The following ACTR3B variants were observed in gnomAD, a reference collection of about 807,000 sequenced individuals.
ACTR3B encodes actin-related protein 3B.
ACTR3B carries 8 observed loss-of-function variants against 59.0 expected under a neutral mutation model. That is an observed-to-expected ratio of 0.14 (90% CI 0.08 to 0.24). The LOEUF (loss-of-function observed/expected upper bound fraction) is 0.24, where lower values mean the gene tolerates loss of function less well. Among genes scored for constraint, ACTR3B ranks in the 10% least tolerant of loss-of-function variants. The pLI is 1.00. For missense variants in ACTR3B, 245 were observed against 552.3 expected, an observed-to-expected ratio of 0.44 and a Z score of 5.58; for synonymous variants, 148 against 197.9, an observed-to-expected ratio of 0.75 and a Z score of 2.12.
intron 8 of ACTR3B, 94 bp downstream of exon 8, chr7:152,823,609 G>GAGC: frequency 7.0e-7 from 1 of 1,422,322 alleles, no homozygotes; most frequent in Non-Finnish European, 9.6e-7. Context: ...AAGGGCCTGT[G>GAGC]AGCAGGGTGG....
intron 4 of ACTR3B, among the ~76,000 whole-genome samples, chr7:152,801,983 A>T (rs944581998): frequency 1.3e-5 from 2 of 152,122 alleles, no homozygotes; most frequent in South Asian, 4.2e-4. Context: ...GGAATTGCAC[A>T]TGCAGCCTAG....
chr7:152,851,840 A>G (rs369440952), intron 9 of ACTR3B, among the ~76,000 whole-genome samples: 1 of 151,936 alleles, frequency 6.6e-6, no homozygotes, highest in Non-Finnish European at 1.5e-5. Flanking sequence ...TTCCTGGTCT[A>G]TGTGAGGGGT....
intron 4 of ACTR3B, among the ~76,000 whole-genome samples, chr7:152,808,024 A>G (rs2098257861): frequency 6.6e-6 from 1 of 152,174 alleles, no homozygotes; most frequent in South Asian, 2.1e-4. Context: ...CCCGTTGAAC[A>G]CGAATTCTCT....
intron 9 of ACTR3B, among the ~76,000 whole-genome samples, chr7:152,844,494 A>C (rs552734827): frequency 6.6e-6 from 1 of 152,222 alleles, no homozygotes; most frequent in Non-Finnish European, 1.5e-5. Flanking sequence ...AAAAAAATCT[A>C]GGTTGTTAGG....
intron 9 of ACTR3B, among the ~76,000 whole-genome samples, chr7:152,848,538 C>T (rs1798544918): frequency 6.6e-6 from 1 of 152,188 alleles, no homozygotes; most frequent in African/African-American, 2.4e-5. Flanking sequence ...AGCACTGACC[C>T]ATCCTTGTTC....
At position 152,814,336 on chromosome 7, in the gene ACTR3B, C is replaced by G. The variant is rs1445919989; in HGVS notation, c.337-214C>G. ...TTCTAATTTGGGTGGGTAATAAGAACAGAGGCCTTCAGAGAAGTATTTACT... is the reference window on the plus strand; with the variant it reads ...TTCTAATTTGGGTGGGTAATAAGAAGAGAGGCCTTCAGAGAAGTATTTACT... On this transcript the variant is annotated intron_variant, in intron 4 of 11. Transcript: ENST00000256001. 11 of 465,532 alleles carry G rather than the reference C, an allele frequency of 2.4e-5. No homozygotes were observed. The African/African-American group carries it at 2.4e-4, about 10-fold the overall frequency. The allele number at this position is 465,532 out of a possible 1,614,324, so 28.8% of individuals were successfully genotyped here.
intron 4 of ACTR3B, 163 bp from the exon 5 acceptor site, chr7:152,814,387 C>G (rs1214869259): frequency 5.7e-6 from 3 of 523,822 alleles, no homozygotes; most frequent in African/African-American, 2.3e-5. Flanking sequence ...TTTTAAGGCC[C>G]ATGGCCAGAT....
chr7:152,827,573 G>C (rs1796675172), intron 9 of ACTR3B, among the ~76,000 whole-genome samples: 1 of 151,492 alleles, frequency 6.6e-6, no homozygotes, highest in Non-Finnish European at 1.5e-5. Flanking sequence ...GTTCACGTCT[G>C]GTGTGGTCGG....
At chr7:152,800,490 T>G (rs370394426) in intron 2 of ACTR3B, 41 bp from the exon 3 acceptor site, 1 of 1,605,398 alleles carries the variant, frequency 6.2e-7, no homozygotes. Context: ...TAAATAGATA[T>G]GGATAGTGAT....
At chr7:152,801,527 T>A in intron 3 of ACTR3B, 94 bp from the exon 4 acceptor site, 1 of 1,541,920 alleles carries the variant, frequency 6.5e-7, no homozygotes, top group South Asian at 1.2e-5. Flanking sequence ...GATACCTTTA[T>A]TCTTAATAAC....
intron 9 of ACTR3B, among the ~76,000 whole-genome samples, chr7:152,849,005 A>G (rs1046091635): frequency 6.6e-6 from 1 of 152,174 alleles, no homozygotes; most frequent in Non-Finnish European, 1.5e-5. Flanking sequence ...AAATGGGTCA[A>G]GAAGGCAGGT....
At chr7:152,766,911 C>T (rs1465429602) in intron 1 of ACTR3B, among the ~76,000 whole-genome samples, 2 of 152,040 alleles carry the variant, frequency 1.3e-5, no homozygotes, top group Non-Finnish European at 2.9e-5. Context: ...TGCAGCCTCC[C>T]GAGTAGCTGG....
chr7:152,846,642 G>A (rs535566153), intron 9 of ACTR3B, among the ~76,000 whole-genome samples: 224 of 145,004 alleles, frequency 1.5e-3, no homozygotes, highest in Non-Finnish European at 1.9e-3. Flanking sequence ...GAGCCCCAGC[G>A]CCCGGGCTGC....
chr7:152,821,600 T>C (rs1342675937), intron 7 of ACTR3B, among the ~76,000 whole-genome samples: 1 of 152,220 alleles, frequency 6.6e-6, no homozygotes. Flanking sequence ...CTGACCCTCA[T>C]GCTGGGCCTT....
intron 9 of ACTR3B, among the ~76,000 whole-genome samples, chr7:152,826,866 G>A (rs1212424782): frequency 4.0e-5 from 6 of 150,536 alleles, no homozygotes; most frequent in East Asian, 2.0e-4. Context: ...GGCGAAAGGC[G>A]CCTGGGTTAT....
chr7:152,853,622 T>G, intron 11 of ACTR3B, 45 bp downstream of exon 11: 1 of 1,558,474 alleles, frequency 6.4e-7, no homozygotes, highest in Non-Finnish European at 8.8e-7. Context: ...TCCTGTGCTC[T>G]CGGTTGAGTT....
At chr7:152,821,019 A>G (rs1360082149) in intron 7 of ACTR3B, among the ~76,000 whole-genome samples, 8 of 152,148 alleles carry the variant, frequency 5.3e-5, no homozygotes, top group Non-Finnish European at 8.8e-5. Context: ...AGCACCAGAG[A>G]TGATTCCCGA....
chr7:152,839,134 T>G (rs538748139), intron 9 of ACTR3B, among the ~76,000 whole-genome samples: 1 of 149,032 alleles, frequency 6.7e-6, no homozygotes, highest in Non-Finnish European at 1.5e-5. Flanking sequence ...GTACCAGATT[T>G]CAGCTCAGCA....
intron 1 of ACTR3B, among the ~76,000 whole-genome samples, chr7:152,760,563 C>T (rs1037700174): frequency 3.3e-5 from 5 of 152,174 alleles, no homozygotes; most frequent in African/African-American, 4.8e-5. Flanking sequence ...CAAGCTGTCC[C>T]TTTGGTTTGC....
Sources: gnomAD v4.1 joint callset for allele counts (sites outside exome capture counted in the v4.1 genomes callset) on GRCh38, gnomAD v4.1.1 for gene constraint, MANE v1.5 for transcripts, NCBI Gene and HGNC (gene_info 2026-07-23, HGNC 2026-07-21) for gene names.